The following DNAJC5B variants were observed in gnomAD, a reference collection of about 807,000 sequenced individuals.
DNAJC5B encodes DnaJ heat shock protein family (Hsp40) member C5 beta.
A neutral mutation model predicts 24.7 loss-of-function variants in DNAJC5B; 23 were observed. The observed-to-expected ratio is 0.93, with a 90% confidence interval of 0.67 to 1.32. The LOEUF is 1.32. DNAJC5B is among the 40% of genes most tolerant of loss of function. The pLI is 0.00. For missense variants in DNAJC5B, 238 were observed against 240.8 expected (o/e 0.99, Z 0.08); for synonymous variants, 101 against 90.1 (o/e 1.12, Z -0.68).
chr8:66,027,569 G>A (rs1399014384), intron 1 of DNAJC5B, among the ~76,000 whole-genome samples: 2 of 151,972 alleles, frequency 1.3e-5, no homozygotes. Context: ...CAATATTGTT[G>A]TCACAAAAGG....
At chr8:66,020,022 T>C (rs1350549829), upstream of DNAJC5B, among the ~76,000 whole-genome samples, 1 of 152,256 alleles carries the variant, frequency 6.6e-6, no homozygotes, top group East Asian at 1.9e-4. Context: ...GAATACTTTC[T>C]TCCTTGTTAC....
chr8:66,078,539 A>G (rs1367045486), intron 4 of DNAJC5B, among the ~76,000 whole-genome samples: 3 of 152,184 alleles, frequency 2.0e-5, no homozygotes, highest in Non-Finnish European at 2.9e-5. Flanking sequence ...TATATGAATG[A>G]AAAGAAAAAG....
intron 3 of DNAJC5B, among the ~76,000 whole-genome samples, chr8:66,073,493 G>C (rs1411527922): frequency 6.6e-6 from 1 of 151,988 alleles, no homozygotes; most frequent in Non-Finnish European, 1.5e-5. Context: ...TCATGTGTGT[G>C]TGTGTGTGTG....
At chr8:66,018,921 T>C (rs1259187869), upstream of DNAJC5B, among the ~76,000 whole-genome samples, 3 of 152,222 alleles carry the variant, frequency 2.0e-5, no homozygotes, top group Non-Finnish European at 2.9e-5. Context: ...AGCTTTCACT[T>C]AGCCTGCAGA....
intron 3 of DNAJC5B, among the ~76,000 whole-genome samples, chr8:66,067,488 A>C (rs1305201809): frequency 1.3e-5 from 2 of 152,154 alleles, no homozygotes; most frequent in Non-Finnish European, 2.9e-5. Flanking sequence ...GCTGGTTTTC[A>C]TGTCCTTGTG....
Position 66,022,244 on chromosome 8 carries a change from C to T in DNAJC5B, c.-142+539C>T, listed in dbSNP as rs185708948. Among the ~76,000 whole-genome samples, 30 of 152,302 alleles carry T rather than the reference C, an allele frequency of 2.0e-4. No individual in the cohort carries two copies. In the East Asian group the frequency reaches 5.0e-3, roughly 25 times the overall value. On this transcript the variant is annotated intron_variant, in intron 1 of 5. Transcript: ENST00000276570. The stretch of plus-strand genomic sequence containing the variant: ...GCCAGTGAAATCATTGCTGGGGATG[C>T]GGACAGTTCTGTTTTCTTTACCTTG...
At chr8:66,053,636 T>G (rs1235956102) in intron 3 of DNAJC5B, among the ~76,000 whole-genome samples, 3 of 152,004 alleles carry the variant, frequency 2.0e-5, no homozygotes, top group African/African-American at 7.2e-5. Context: ...ACTACCTTTT[T>G]TTTTTTTTTT....
At chr8:66,049,969 T>A (rs1806811243) in intron 2 of DNAJC5B, among the ~76,000 whole-genome samples, 1 of 152,252 alleles carries the variant, frequency 6.6e-6, no homozygotes, top group African/African-American at 2.4e-5. Context: ...CAAAATGGTT[T>A]CTTTTGGATG....
chr8:66,015,642 C>T, the DNAJC5B span, among the ~76,000 whole-genome samples: 13 of 152,136 alleles, frequency 8.5e-5, no homozygotes, highest in African/African-American at 3.1e-4. Flanking sequence ...TCAAAAGTAG[C>T]AGTATTAAAT....
chr8:66,068,779 G>T (rs756350515), intron 3 of DNAJC5B, among the ~76,000 whole-genome samples: 6 of 151,956 alleles, frequency 3.9e-5, no homozygotes, highest in Non-Finnish European at 4.4e-5. Flanking sequence ...CTATACCCAG[G>T]CACATCACAG....
At chr8:66,019,078 G>A (rs937264293), upstream of DNAJC5B, among the ~76,000 whole-genome samples, 2 of 152,120 alleles carry the variant, frequency 1.3e-5, no homozygotes, top group East Asian at 1.9e-4. Context: ...CAAAGGATGC[G>A]GCATAACCCA....
At chr8:66,088,997 C>T (rs1356560883) in intron 5 of DNAJC5B, among the ~76,000 whole-genome samples, 1 of 152,206 alleles carries the variant, frequency 6.6e-6, no homozygotes, top group African/African-American at 2.4e-5. Context: ...CAGTACCCCA[C>T]TCTGCCTGTA....
intron 5 of DNAJC5B, among the ~76,000 whole-genome samples, chr8:66,080,944 A>G (rs1425732610): frequency 2.0e-5 from 3 of 152,178 alleles, no homozygotes; most frequent in Non-Finnish European, 4.4e-5. Flanking sequence ...CTCCTTTGAA[A>G]TAGAAGAAAG....
chr8:66,043,106 C>T (rs965951608), intron 1 of DNAJC5B, among the ~76,000 whole-genome samples: 3 of 152,178 alleles, frequency 2.0e-5, no homozygotes, highest in Non-Finnish European at 4.4e-5. Flanking sequence ...GACTCAATGC[C>T]TCTTAACTAG....
At chr8:66,022,191 A>AC (rs1348066204) in intron 1 of DNAJC5B, among the ~76,000 whole-genome samples, 1 of 151,620 alleles carries the variant, frequency 6.6e-6, no homozygotes, top group Non-Finnish European at 1.5e-5. Flanking sequence ...CATATACCGG[A>AC]CCCCCCACCC....
upstream of DNAJC5B, among the ~76,000 whole-genome samples, chr8:66,021,232 A>G (rs1272010066): frequency 6.6e-6 from 1 of 152,008 alleles, no homozygotes; most frequent in Non-Finnish European, 1.5e-5. Flanking sequence ...CAGTTTCCTC[A>G]TCTGCAAAAA....
chr8:66,020,111 T>C (rs1806072158), upstream of DNAJC5B, among the ~76,000 whole-genome samples: 1 of 152,228 alleles, frequency 6.6e-6, no homozygotes, highest in Admixed American at 6.5e-5. Context: ...AGCAAAGCCC[T>C]GTGGTGGGGA....
chr8:66,055,885 T>TGAGCCGA (rs1384172947), intron 3 of DNAJC5B, among the ~76,000 whole-genome samples: 3 of 152,172 alleles, frequency 2.0e-5, no homozygotes, highest in South Asian at 2.1e-4. Context: ...GAGGTTGCAG[T>TGAGCCGA]GAGCCGAGAG....
At chr8:66,048,315 G>A (rs577025045) in intron 2 of DNAJC5B, among the ~76,000 whole-genome samples, 5 of 152,294 alleles carry the variant, frequency 3.3e-5, no homozygotes, top group South Asian at 2.1e-4. Flanking sequence ...GCCTGGGGTT[G>A]GGGGAAAGGG....
Sources: gnomAD v4.1 joint callset for allele counts (sites outside exome capture counted in the v4.1 genomes callset) on GRCh38, gnomAD v4.1.1 for gene constraint, MANE v1.5 for transcripts, NCBI Gene and HGNC (gene_info 2026-07-23, HGNC 2026-07-21) for gene names.